CADPS2: variants seen among roughly 807,000 people sequenced by gnomAD.
CADPS2 encodes calcium-dependent secretion activator 2.
Under a neutral mutation model 172.5 loss-of-function variants are expected in CADPS2, and 93 were observed. The ratio of observed to expected loss-of-function variants is 0.54; its 90% CI spans 0.46 to 0.64. The LOEUF (loss-of-function observed/expected upper bound fraction) is 0.64. CADPS2 is among the 30% of genes least tolerant of loss of function. The pLI is 0.00. For synonymous variants in CADPS2, 546 were observed against 555.2 expected (o/e 0.98, Z 0.23); for missense variants, 1,420 against 1,565.9 (o/e 0.91, Z 1.57).
intron 5 of CADPS2, among the ~76,000 whole-genome samples, chr7:122,621,180 G>A (rs2075568329): frequency 6.6e-6 from 1 of 152,104 alleles, no homozygotes; most frequent in African/African-American, 2.4e-5. Context: ...GGGATTACAG[G>A]TGTGAGCCCC....
At chr7:122,495,227 C>T (rs1051773621) in intron 9 of CADPS2, among the ~76,000 whole-genome samples, 7 of 152,052 alleles carry the variant, frequency 4.6e-5, no homozygotes, top group Non-Finnish European at 8.8e-5. Flanking sequence ...CTTAGAGATA[C>T]ATATGCTTTA....
chr7:122,803,721 A>C (rs1798143718), intron 1 of CADPS2, among the ~76,000 whole-genome samples: 1 of 152,156 alleles, frequency 6.6e-6, no homozygotes, highest in Non-Finnish European at 1.5e-5. Context: ...GGTGGTGATA[A>C]AAATTTAATG....
intron 25 of CADPS2, among the ~76,000 whole-genome samples, chr7:122,367,729 T>C (rs1162178429): frequency 7.0e-6 from 1 of 143,786 alleles, no homozygotes; most frequent in Non-Finnish European, 1.5e-5. Flanking sequence ...TTTTTTTTTT[T>C]TTTTTTTTTG....
intron 8 of CADPS2, among the ~76,000 whole-genome samples, chr7:122,536,418 A>G (rs1232896558): frequency 6.6e-6 from 1 of 152,064 alleles, no homozygotes; most frequent in East Asian, 1.9e-4. Flanking sequence ...AGGATTCTGA[A>G]GATGAAAATC....
intron 2 of CADPS2, among the ~76,000 whole-genome samples, chr7:122,710,688 T>C (rs1268974950): frequency 6.6e-6 from 1 of 152,070 alleles, no homozygotes; most frequent in Non-Finnish European, 1.5e-5. Context: ...AAAATTCCCA[T>C]CATCTTTACA....
intron 8 of CADPS2, among the ~76,000 whole-genome samples, chr7:122,539,966 T>C (rs1401482155): frequency 4.6e-5 from 7 of 152,140 alleles, no homozygotes; most frequent in African/African-American, 1.7e-4. Flanking sequence ...GGTAACCATA[T>C]GTTCAAAATG....
intron 14 of CADPS2, among the ~76,000 whole-genome samples, chr7:122,461,506 G>T (rs2054427440): frequency 6.6e-6 from 1 of 151,942 alleles, no homozygotes; most frequent in Non-Finnish European, 1.5e-5. Flanking sequence ...AAGAACAAAA[G>T]AATCTTTTTT....
chr7:122,751,917 A>G (rs2092968118), intron 1 of CADPS2, among the ~76,000 whole-genome samples: 1 of 152,172 alleles, frequency 6.6e-6, no homozygotes, highest in Admixed American at 6.6e-5. Context: ...GGGCCAGGTC[A>G]AGTCCTTATT....
chr7:122,534,682 A>G (rs904514435), intron 8 of CADPS2, among the ~76,000 whole-genome samples: 5 of 152,146 alleles, frequency 3.3e-5, no homozygotes, highest in Non-Finnish European at 7.4e-5. Flanking sequence ...TTGATGGCAG[A>G]TTAACAGTAA....
rs191633274 is a variant in CADPS2 at position 122,581,459 on chromosome 7, T to C, written c.1224-169A>G. Among the ~76,000 whole-genome samples the C allele has an allele frequency of 2.1e-3, 321 of 152,290 alleles. 1 individual carries two copies. The highest frequency in any genetic ancestry group is 3.4e-3 in the Non-Finnish European group (231 of 68,012). On this transcript the variant is annotated intron_variant, in intron 6 of 29. Coordinates refer to ENST00000449022, the MANE Select transcript of CADPS2 (RefSeq NM_017954.11). ...GCACAATCAAGAAGGAAAAGAACAA[T>C]AAGCTTTACAGCTTGTAATAGTTAC...
At chr7:122,814,058 G>C (rs1379380226) in intron 1 of CADPS2, among the ~76,000 whole-genome samples, 2 of 151,940 alleles carry the variant, frequency 1.3e-5, no homozygotes, top group Admixed American at 6.6e-5. Flanking sequence ...AGTAAACTGA[G>C]TCTGAGAAAA....
At chr7:122,516,763 G>A (rs1042283148) in intron 8 of CADPS2, among the ~76,000 whole-genome samples, 8 of 151,896 alleles carry the variant, frequency 5.3e-5, no homozygotes, top group African/African-American at 1.7e-4. Context: ...AGAAATATCC[G>A]GAAAAATGCA....
chr7:122,663,701 A>C (rs1196535958), intron 2 of CADPS2, 132 bp from the exon 3 acceptor site: 2 of 685,826 alleles, frequency 2.9e-6, no homozygotes, highest in African/African-American at 1.8e-5. Context: ...AATGATTCAA[A>C]ATGTTTTATA....
intron 1 of CADPS2, among the ~76,000 whole-genome samples, chr7:122,755,298 G>T (rs1206713789): frequency 6.6e-6 from 1 of 152,142 alleles, no homozygotes; most frequent in Non-Finnish European, 1.5e-5. Context: ...AAACTTAAAA[G>T]GCTATGAAGT....
chr7:122,464,759 C>T (rs1468214397), intron 14 of CADPS2, among the ~76,000 whole-genome samples: 1 of 151,994 alleles, frequency 6.6e-6, no homozygotes, highest in African/African-American at 2.4e-5. Flanking sequence ...AAAAAACAGA[C>T]AAAAAAATCC....
chr7:122,598,875 G>A (rs1159028081), intron 6 of CADPS2, among the ~76,000 whole-genome samples: 1 of 152,170 alleles, frequency 6.6e-6, no homozygotes, highest in African/African-American at 2.4e-5. Context: ...AAGTTTTTGA[G>A]GGGGAGCAGA....
At chr7:122,480,796 A>G in intron 12 of CADPS2, 56 bp downstream of exon 12, 1 of 1,180,470 alleles carries the variant, frequency 8.5e-7, no homozygotes, top group Non-Finnish European at 1.2e-6. Flanking sequence ...CCTCAAACAT[A>G]GTATCATTAA....
intron 3 of CADPS2, among the ~76,000 whole-genome samples, chr7:122,649,032 A>T (rs952090690): frequency 3.3e-5 from 5 of 151,874 alleles, no homozygotes; most frequent in African/African-American, 1.2e-4. Context: ...CCAGACCCTC[A>T]ATTTGTTCCA....
Position 122,694,972 on chromosome 7 carries a change from G to A in CADPS2, c.454-31403C>T, listed in dbSNP as rs556735455. Among the ~76,000 whole-genome samples the A allele has an allele frequency of 5.3e-5, 8 of 152,252 alleles. No individual in the cohort carries two copies. The East Asian group carries it at 7.7e-4, about 15-fold the overall frequency. On this transcript the variant is annotated intron_variant, in intron 2 of 29. Coordinates refer to ENST00000449022, the MANE Select transcript of CADPS2 (RefSeq NM_017954.11). ...ATACCTACGTGCTGCTTCAAAACCC[G>A]TTAAATGTGGTGAAGGGGTTTAAAT...
Sources: gnomAD v4.1 joint callset for allele counts (sites outside exome capture counted in the v4.1 genomes callset) on GRCh38, gnomAD v4.1.1 for gene constraint, MANE v1.5 for transcripts, NCBI Gene and HGNC (gene_info 2026-07-23, HGNC 2026-07-21) for gene names.